FYB1: variants seen among roughly 807,000 people sequenced by gnomAD.
FYB1 encodes the protein FYN-binding protein 1.
A neutral mutation model predicts 94.1 loss-of-function variants in FYB1; 41 were observed. The ratio of observed to expected loss-of-function variants is 0.44; its 90% CI spans 0.34 to 0.57. FYB1 has a LOEUF of 0.57. Ranked by LOEUF, FYB1 falls within the 20% of genes least tolerant of loss-of-function variation. The probability of loss-of-function intolerance (pLI) is 0.02; values close to 1 mark genes in which losing one functional copy is unlikely to be tolerated. For missense variants in FYB1, 1,050 were observed against 976.8 expected, an observed-to-expected ratio of 1.07 and a Z score of -1.00; for synonymous variants, 367 against 353.2, an observed-to-expected ratio of 1.04 and a Z score of -0.44.
intron 2 of FYB1, among the ~76,000 whole-genome samples, chr5:39,179,047 T>A (rs1745985647): frequency 6.6e-6 from 1 of 152,202 alleles, no homozygotes; most frequent in Non-Finnish European, 1.5e-5. Flanking sequence ...AGAGTCCTTT[T>A]AAGTCCATGA....
At chr5:39,194,381 C>T (rs1747641838) in intron 2 of FYB1, among the ~76,000 whole-genome samples, 1 of 151,956 alleles carries the variant, frequency 6.6e-6, no homozygotes, top group African/African-American at 2.4e-5. Flanking sequence ...AATACTAAAG[C>T]TGGACGTGGT....
chr5:39,259,022 T>C (rs1331858179), intron 1 of FYB1, among the ~76,000 whole-genome samples: 2 of 152,112 alleles, frequency 1.3e-5, no homozygotes, highest in African/African-American at 2.4e-5. Flanking sequence ...GTTGCTGAGA[T>C]TGTGTTGGTA....
intron 1 of FYB1, among the ~76,000 whole-genome samples, chr5:39,231,709 T>G (rs991019713): frequency 1.3e-5 from 2 of 150,306 alleles, no homozygotes; most frequent in Non-Finnish European, 2.9e-5. Context: ...TTTCTCAAAA[T>G]TCTTATGTGG....
At chr5:39,226,322 C>T (rs2150562913) in intron 1 of FYB1, among the ~76,000 whole-genome samples, 1 of 152,178 alleles carries the variant, frequency 6.6e-6, no homozygotes, top group South Asian at 2.1e-4. Context: ...CCTTTCTTTG[C>T]AGGGTTGTCA....
chr5:39,139,968 C>T (rs570374310), intron 4 of FYB1: 1 of 152,200 alleles, frequency 6.6e-6, no homozygotes, highest in East Asian at 1.9e-4. Flanking sequence ...TGGCTCCATA[C>T]ATGAGGCAAT....
At chr5:39,139,381 A>T in intron 4 of FYB1, 129 bp from the exon 5 acceptor site, 1 of 796,270 alleles carries the variant, frequency 1.3e-6, no homozygotes, top group Non-Finnish European at 1.8e-6. Flanking sequence ...TTTATCAAAG[A>T]TACAGAAATA....
chr5:39,249,629 C>T (rs1368690598), intron 1 of FYB1, among the ~76,000 whole-genome samples: 5 of 151,888 alleles, frequency 3.3e-5, no homozygotes, highest in Admixed American at 1.3e-4. Context: ...GGACAAGAGC[C>T]TAAATTCTGA....
At chr5:39,270,758 A>G (rs906526536) in intron 1 of FYB1, 4 of 473,794 alleles carry the variant, frequency 8.4e-6, no homozygotes, top group South Asian at 4.7e-5. Context: ...GAGCATTTGT[A>G]TAGCTGGCCA....
chr5:39,148,547 C>A (rs1317335504), intron 3 of FYB1, among the ~76,000 whole-genome samples: 2 of 151,618 alleles, frequency 1.3e-5, no homozygotes, highest in African/African-American at 4.8e-5. Flanking sequence ...AATTTGAAAA[C>A]TGACTTGTTT....
At chr5:39,114,101 C>T (rs778611404) in intron 16 of FYB1, among the ~76,000 whole-genome samples, 15 of 151,756 alleles carry the variant, frequency 9.9e-5, no homozygotes, top group Non-Finnish European at 1.9e-4. Flanking sequence ...TCGAAAGCAC[C>T]TTTAAAATCC....
intron 2 of FYB1, among the ~76,000 whole-genome samples, chr5:39,195,668 T>C (rs950454925): frequency 3.9e-5 from 6 of 152,196 alleles, no homozygotes; most frequent in Non-Finnish European, 7.3e-5. Flanking sequence ...AGTCTTGGTC[T>C]CTCAGCAGTA....
intron 12 of FYB1, 65 bp downstream of exon 12, chr5:39,125,933 T>C (rs1164915060): frequency 6.8e-7 from 1 of 1,468,838 alleles, no homozygotes; most frequent in Non-Finnish European, 9.3e-7. Flanking sequence ...AGAATATTAG[T>C]AGCATTTGAT....
intron 2 of FYB1, among the ~76,000 whole-genome samples, chr5:39,155,805 A>C (rs941778084): frequency 6.6e-6 from 1 of 152,210 alleles, no homozygotes; most frequent in Non-Finnish European, 1.5e-5. Context: ...TAAATCATTT[A>C]GCAAACGTTC....
intron 17 of FYB1, 30 bp downstream of exon 17, chr5:39,110,325 CA>C: frequency 6.8e-7 from 1 of 1,470,834 alleles, no homozygotes; most frequent in Non-Finnish European, 9.3e-7. Context: ...ATTCTTTTCA[CA>C]AGCATAGTAG....
chr5:39,192,587 T>C (rs1345045534), intron 2 of FYB1, among the ~76,000 whole-genome samples: 1 of 152,190 alleles, frequency 6.6e-6, no homozygotes, highest in Admixed American at 6.5e-5. Flanking sequence ...AGAGTTCTTA[T>C]AACAAGGGCA....
chr5:39,108,947 C>T (rs967456480), intron 17 of FYB1, among the ~76,000 whole-genome samples: 1 of 151,908 alleles, frequency 6.6e-6, no homozygotes, highest in East Asian at 1.9e-4. Flanking sequence ...TACCAGGAGA[C>T]AAAAATTTGA....
intron 1 of FYB1, among the ~76,000 whole-genome samples, chr5:39,242,825 C>G (rs557654874): frequency 1.3e-5 from 2 of 152,068 alleles, no homozygotes; most frequent in Non-Finnish European, 2.9e-5. Flanking sequence ...TTTTAATGAT[C>G]GCCATCCTAA....
intron 18 of FYB1, 54 bp from the exon 19 acceptor site, chr5:39,107,519 G>T: frequency 7.8e-7 from 1 of 1,288,512 alleles, no homozygotes; most frequent in Non-Finnish European, 1.1e-6. Flanking sequence ...TATTCTCTAA[G>T]TATTCCAAGT....
chr5:39,229,366 A>G (rs900560895), intron 1 of FYB1, among the ~76,000 whole-genome samples: 6 of 152,314 alleles, frequency 3.9e-5, no homozygotes, highest in East Asian at 1.9e-4. Flanking sequence ...GAGAGTGACT[A>G]TAAAAGAAGA....
Sources: allele counts gnomAD v4.1 joint callset (sites outside exome capture counted in the v4.1 genomes callset), GRCh38; gene constraint gnomAD v4.1.1; transcripts MANE v1.5; gene names NCBI Gene and HGNC (gene_info 2026-07-23, HGNC 2026-07-21).